The following EPB42 variants were observed in gnomAD, a reference collection of about 807,000 sequenced individuals.
EPB42 encodes protein 4.2.
In EPB42, 49 loss-of-function variants were observed where a neutral mutation model predicts 76.9. The ratio of observed to expected loss-of-function variants is 0.64; its 90% CI spans 0.51 to 0.81. The LOEUF (loss-of-function observed/expected upper bound fraction) is 0.81. EPB42 is among the 30% of genes least tolerant of loss of function. The pLI, the probability that EPB42 is intolerant of heterozygous loss-of-function variation, is 0.00. For missense variants in EPB42, 731 were observed against 867.6 expected (o/e 0.84, Z 1.98); for synonymous variants, 310 against 338.4 (o/e 0.92, Z 0.92).
intron 11 of EPB42, 33 bp from the exon 12 acceptor site, chr15:43,202,010 C>T (rs750639214): frequency 6.2e-7 from 1 of 1,613,218 alleles, no homozygotes; most frequent in Admixed American, 1.7e-5. Context: ...GTGTGGATGC[C>T]AAGGGCACAG....
At chr15:43,225,105 T>A (rs1381309467), upstream of EPB42, among the ~76,000 whole-genome samples, 2 of 152,200 alleles carry the variant, frequency 1.3e-5, no homozygotes, top group African/African-American at 4.8e-5. Flanking sequence ...ATAAGCAAGG[T>A]AGAGAACAAT....
At chr15:43,209,637 T>C (rs937037002) in intron 5 of EPB42, 186 bp from the exon 6 acceptor site, 4 of 638,702 alleles carry the variant, frequency 6.3e-6, no homozygotes, top group African/African-American at 1.8e-5. Flanking sequence ...GTCATAGCTC[T>C]AGGGCTGGAG....
intron 1 of EPB42, among the ~76,000 whole-genome samples, chr15:43,219,067 A>G (rs2042420350): frequency 6.6e-6 from 1 of 151,690 alleles, no homozygotes; most frequent in Admixed American, 6.6e-5. Flanking sequence ...GGCTGGGGGG[A>G]GGGGGCGGTG....
chr15:43,209,548 G>A, intron 5 of EPB42, 97 bp from the exon 6 acceptor site: 1 of 1,352,118 alleles, frequency 7.4e-7, no homozygotes, highest in South Asian at 1.4e-5. Flanking sequence ...CTCCAACCAT[G>A]GTGAACAGAT....
At chr15:43,208,090 C>T in intron 8 of EPB42, 140 bp downstream of exon 8, 3 of 734,680 alleles carry the variant, frequency 4.1e-6, no homozygotes, top group Non-Finnish European at 7.2e-6. Flanking sequence ...CAGCTTTCTG[C>T]TGGCTGCTGT....
chr15:43,223,243 G>A (rs531906629), upstream of EPB42, among the ~76,000 whole-genome samples: 3 of 152,270 alleles, frequency 2.0e-5, no homozygotes, highest in Non-Finnish European at 4.4e-5. Flanking sequence ...CTTGAACCCG[G>A]GAGGTTGGAG....
At chr15:43,222,796 T>C (rs1384124172), upstream of EPB42, among the ~76,000 whole-genome samples, 1 of 152,194 alleles carries the variant, frequency 6.6e-6, no homozygotes, top group Non-Finnish European at 1.5e-5. Flanking sequence ...ACAACTAGCT[T>C]GTCAAAATAC....
At chr15:43,201,726 G>C in intron 12 of EPB42, 118 bp downstream of exon 12, 1 of 1,460,030 alleles carries the variant, frequency 6.8e-7, no homozygotes, top group Admixed American at 1.7e-5. Context: ...CTTTAGTTTA[G>C]TTTCTAGGGG....
At chr15:43,219,354 GTTTATACAATTTAAT>G (rs1196370744) in intron 1 of EPB42, among the ~76,000 whole-genome samples, 1 of 152,176 alleles carries the variant, frequency 6.6e-6, no homozygotes, top group African/African-American at 2.4e-5. Flanking sequence ...TTACTTGTAA[GTTTATACAATTTAAT>G]TTTTAATAAT....
upstream of EPB42, among the ~76,000 whole-genome samples, chr15:43,222,856 C>G (rs2042474481): frequency 6.6e-6 from 1 of 152,014 alleles, no homozygotes; most frequent in South Asian, 2.1e-4. Context: ...TCAGATGGAT[C>G]AAAACTCTTA....
At chr15:43,213,393 C>T (rs1463434183) in intron 3 of EPB42, among the ~76,000 whole-genome samples, 1 of 152,198 alleles carries the variant, frequency 6.6e-6, no homozygotes, top group South Asian at 2.1e-4. Context: ...CTGAAAACTT[C>T]TCAGTCACCT....
intron 3 of EPB42, among the ~76,000 whole-genome samples, chr15:43,214,605 T>G (rs1300134701): frequency 6.6e-6 from 1 of 152,130 alleles, no homozygotes; most frequent in African/African-American, 2.4e-5. Context: ...TGGTATATTC[T>G]TTTTCTTAAA....
At chr15:43,201,059 C>T (rs928229196) in intron 12 of EPB42, among the ~76,000 whole-genome samples, 4 of 152,152 alleles carry the variant, frequency 2.6e-5, no homozygotes, top group African/African-American at 9.7e-5. Flanking sequence ...TTGTGATCCA[C>T]CTACCTTGGC....
chr15:43,220,662 A>ACCCAC, intron 1 of EPB42, 154 bp downstream of exon 1: 1 of 262,908 alleles, frequency 3.8e-6, no homozygotes, highest in Non-Finnish European at 7.3e-6. Context: ...CCCCCCCCAC[A>ACCCAC]GCCACCTCAT....
chr15:43,221,910 A>G (rs1210446525), upstream of EPB42, among the ~76,000 whole-genome samples: 2 of 152,000 alleles, frequency 1.3e-5, no homozygotes, highest in Non-Finnish European at 2.9e-5. Flanking sequence ...TGGGAAGCCA[A>G]GTCAGGCGGA....
At chr15:43,207,106 A>C in intron 9 of EPB42, 93 bp downstream of exon 9, 1 of 1,568,236 alleles carries the variant, frequency 6.4e-7, no homozygotes, top group South Asian at 1.1e-5. Context: ...GGAAAGGACA[A>C]GTCTCTTTCT....
chr15:43,212,044 G>A (rs2142304295), intron 3 of EPB42, among the ~76,000 whole-genome samples: 1 of 151,782 alleles, frequency 6.6e-6, no homozygotes, highest in South Asian at 2.1e-4. Context: ...TCCAGCCTGG[G>A]TGACAGAGTG....
chr15:43,209,179 G>A lies in EPB42; in HGVS notation c.832+95C>T. 2.1e-6 allele frequency: 3 copies of A among 1,418,082 alleles called. No homozygotes were observed. The South Asian group carries it at 3.5e-5, about 16-fold the overall frequency. The allele number at this position is 1,418,082 out of a possible 1,614,324, so 87.8% of individuals were successfully genotyped here. ...TGAGATGGGGAAATGCGGCCGCAGGGAGGCAGCACCTGCTTTTGGAGATGT... is the reference window on the plus strand; with the variant it reads ...TGAGATGGGGAAATGCGGCCGCAGGAAGGCAGCACCTGCTTTTGGAGATGT... On this transcript the variant is annotated intron_variant, in intron 6 of 12. Coordinates refer to ENST00000441366, the MANE Select transcript of EPB42 (RefSeq NM_001114134.2).
At chr15:43,215,407 G>A in intron 2 of EPB42, 79 bp from the exon 3 acceptor site, 1 of 1,464,168 alleles carries the variant, frequency 6.8e-7, no homozygotes, top group Non-Finnish European at 9.6e-7. Context: ...GTATTACAAA[G>A]ATGGAGCAGG....
Sources: gnomAD v4.1 joint callset for allele counts (sites outside exome capture counted in the v4.1 genomes callset) on GRCh38, gnomAD v4.1.1 for gene constraint, MANE v1.5 for transcripts, NCBI Gene and HGNC (gene_info 2026-07-23, HGNC 2026-07-21) for gene names.